GYS1: variants seen among roughly 807,000 people sequenced by gnomAD.
The protein encoded by GYS1 is glycogen [starch] synthase, muscle.
In GYS1, 60 loss-of-function variants were observed where a neutral mutation model predicts 89.1. That is an observed-to-expected ratio of 0.67 (90% CI 0.55 to 0.84). GYS1 has a LOEUF of 0.84. GYS1 is among the 40% of genes least tolerant of loss of function. GYS1 has a pLI of 0.00. For synonymous variants in GYS1, 366 were observed against 401.7 expected (o/e 0.91, Z 1.06); for missense variants, 888 against 1,003.1 (o/e 0.89, Z 1.55).
intron 12 of GYS1, among the ~76,000 whole-genome samples, chr19:48,971,973 C>CA (rs1380769088): frequency 6.6e-6 from 1 of 151,118 alleles, no homozygotes; most frequent in Non-Finnish European, 1.5e-5. Context: ...GCAATCCTCC[C>CA]ACCTCAGCCA....
intron 10 of GYS1, among the ~76,000 whole-genome samples, chr19:48,974,961 C>T (rs749898141): frequency 5.3e-5 from 8 of 152,074 alleles, no homozygotes; most frequent in Non-Finnish European, 8.8e-5. Context: ...GGCGGAGTCT[C>T]GCTCTGTCGC....
intron 12 of GYS1, among the ~76,000 whole-genome samples, chr19:48,972,999 T>C (rs763316877): frequency 1.3e-5 from 2 of 152,128 alleles, no homozygotes; most frequent in Non-Finnish European, 2.9e-5. Flanking sequence ...ATGTATTAAA[T>C]ATATATTTAT....
intron 10 of GYS1, 29 bp downstream of exon 10, chr19:48,977,895 A>G (rs537233030): frequency 3.2e-6 from 5 of 1,570,754 alleles, no homozygotes; most frequent in East Asian, 2.2e-5. Flanking sequence ...AGGAACTGCT[A>G]TCTCTCTGCA....
Position 48,974,842 on chromosome 19 carries a change from G to A in GYS1, c.1309-109C>T, listed in dbSNP as rs188562543. The A allele has an allele frequency of 7.3e-5, 53 of 721,164 alleles. 2 individuals carry two copies. Among genetic ancestry groups the A allele is most frequent in the Admixed American group, 7.2e-4 (34 of 47,162 alleles). 44.7% of individuals were successfully genotyped at this position (721,164 alleles called of 1,614,324 possible). On this transcript the variant is annotated intron_variant, in intron 10 of 15. Coordinates refer to ENST00000323798, the MANE Select transcript of GYS1 (RefSeq NM_002103.5). ...GAGCCAAGGAGACCACAAATGCACCGGACGTGGGGCAACAAACCCAAGTGA... is the reference window on the plus strand; with the variant it reads ...GAGCCAAGGAGACCACAAATGCACCAGACGTGGGGCAACAAACCCAAGTGA...
intron 10 of GYS1, among the ~76,000 whole-genome samples, chr19:48,975,438 G>C (rs147850045): frequency 2.3e-3 from 357 of 152,060 alleles, no homozygotes; most frequent in African/African-American, 8.1e-3. Context: ...AGCTGTCTTT[G>C]AGGCAAAGCC....
chr19:48,969,423 C>A lies in GYS1; in HGVS notation c.2079G>T (p.Trp693Cys). The change falls in exon 16 of 16, where the codon TGG (tryptophan) becomes TGT (cysteine). Residue 693 changes from tryptophan (W) to cysteine (C), a missense_variant. By Grantham distance (215) the Trp-to-Cys change is radical. Coordinates refer to ENST00000323798, the MANE Select transcript of GYS1 (RefSeq NM_002103.5). ...AGGAGGTGCAGGACGCTCGGCGCGG[C>A]CACTCTGGTGCACGGATGTTGCGCC... is the stretch of plus-strand genomic sequence containing the variant. ...KDRRNIRAPE[W>C]PRRASCTSST... 1 of 1,547,006 alleles carries A rather than the reference C, an allele frequency of 6.5e-7. No homozygotes were observed. Among genetic ancestry groups the A allele is most frequent in the South Asian group, 1.2e-5 (1 of 84,232 alleles).
At position 48,991,655 on chromosome 19, in the gene GYS1, G is replaced by C; in HGVS notation, c.119-172C>G. ...GTAGGGGTTGGAAGCTTGGATGAGG[G>C]GAACACGAGGGCTGGAGGGCAGTCC... is the stretch of plus-strand genomic sequence containing the variant. On this transcript the variant is annotated intron_variant, in intron 1 of 15. Transcript: ENST00000323798. This position sits in a 1 kb window ranked among gnomAD's most constrained non-coding sequence, Gnocchi z 4.7. 1.5e-6 allele frequency: 1 copy of C among 667,994 alleles called. No individual in the cohort carries two copies. Among genetic ancestry groups the C allele is most frequent in the South Asian group, 1.8e-5 (1 of 55,660 alleles). The allele number at this position is 667,994 out of a possible 1,614,324, so 41.4% of individuals were successfully genotyped here. A position where few individuals can be genotyped will look rare whatever the true frequency, so the allele number is the denominator to read the frequency against.
At chr19:48,981,197 G>A (rs1459260100) in intron 8 of GYS1, among the ~76,000 whole-genome samples, 5 of 151,728 alleles carry the variant, frequency 3.3e-5, no homozygotes, top group South Asian at 2.1e-4. Flanking sequence ...GGCAGATCAC[G>A]AGATCAGGAG....
chr19:48,970,727 C>A lies in GYS1; in HGVS notation c.1646-18G>T. On this transcript the variant is annotated intron_variant, in intron 13 of 15. Transcript: ENST00000323798. ...GTAGATACCTGTGGAGGCCAGGACCCAGGTTCAGAAAACATCCTGGGGAGA... is the reference window on the plus strand; with the variant it reads ...GTAGATACCTGTGGAGGCCAGGACCAAGGTTCAGAAAACATCCTGGGGAGA... The A allele has an allele frequency of 6.2e-7, 1 of 1,612,944 alleles. No homozygotes were observed. The highest frequency in any genetic ancestry group is 1.1e-5 in the South Asian group (1 of 90,878).
At chr19:48,972,119 A>G (rs1383352475) in intron 12 of GYS1, among the ~76,000 whole-genome samples, 3 of 151,658 alleles carry the variant, frequency 2.0e-5, no homozygotes, top group African/African-American at 7.3e-5. Context: ...TCACGAGGTC[A>G]AGAAGAGAAA....
In GYS1 at chr19:48,993,249, C is replaced by T. The variant is rs535348441; in HGVS notation, c.-137G>A. 39 of 751,782 alleles carry T rather than the reference C, an allele frequency of 5.2e-5. No homozygotes were observed. The highest frequency in any genetic ancestry group is 3.4e-4 in the Middle Eastern group (1 of 2,960). The allele number at this position is 751,782 out of a possible 1,614,324, so 46.6% of individuals were successfully genotyped here. On this transcript the variant is annotated 5_prime_UTR_variant, in exon 1 of 16. Transcript: ENST00000323798. ...TTGCAAGACGCTCGGCTTCCTATTG[C>T]AAGACCGCACCCCTGCCCCGAAGCG... is the stretch of plus-strand genomic sequence containing the variant.
At position 48,979,336 on chromosome 19, in the gene GYS1, C is replaced by CTTTTTTTTTTT. The variant is rs777178030; in HGVS notation, c.1170-1190_1170-1180dup. ...TTTGTCTCTTTTTCTTTTTTCTTTT[C>CTTTTTTTTTTT]TTTTTTTTTTTTTTTTTTTTTTTTT... On this transcript the variant is annotated intron_variant, in intron 8 of 15. Transcript: ENST00000323798. Among the ~76,000 whole-genome samples the CTTTTTTTTTTT allele has an allele frequency of 3.1e-3, 291 of 92,486 alleles. 25 individuals are homozygous for CTTTTTTTTTTT. The highest frequency in any genetic ancestry group is 5.0e-3 in the Non-Finnish European group (222 of 44,720). 60.7% of individuals were successfully genotyped at this position (92,486 alleles called of 152,430 possible). A position where few individuals can be genotyped will look rare whatever the true frequency, so the allele number is the denominator to read the frequency against.
At chr19:48,974,088 G>T in intron 12 of GYS1, 125 bp downstream of exon 12, 1 of 1,002,710 alleles carries the variant, frequency 1.0e-6, no homozygotes, top group Non-Finnish European at 1.5e-6. Flanking sequence ...CAGAACAGGT[G>T]ATTACCATTG....
In GYS1 at chr19:48,990,000, G is replaced by GGGGGT. The variant is rs1555800119; in HGVS notation, c.300+1301_300+1302insACCCC. On this transcript the variant is annotated intron_variant, in intron 2 of 15. Transcript: ENST00000323798. ...CCAGCTGTTGTCTGCCCTTTTGCTG[G>GGGGGT]GGGGGGGGGGGGGCTATTCTTAGGC... Among the ~76,000 whole-genome samples the GGGGGT allele has an allele frequency of 1.7e-4, 22 of 131,262 alleles. 1 individual carries two copies. Among genetic ancestry groups the GGGGGT allele is most frequent in the Middle Eastern group, 3.6e-3 (1 of 274 alleles). The allele number at this position is 131,262 out of a possible 152,430, so 86.1% of individuals were successfully genotyped here. A position where few individuals can be genotyped will look rare whatever the true frequency, so the allele number is the denominator to read the frequency against.
rs2038773688 is a variant in GYS1 at position 48,982,137 on chromosome 19, C to T, written c.1062+118G>A. ...CCATCTCCTGGGCTCAAGTGATCCT[C>T]CCGCCTTGGCCTCCAAAAGTGTTGG... On this transcript the variant is annotated intron_variant, in intron 7 of 15. Transcript: ENST00000323798. 2.9e-6 allele frequency: 3 copies of T among 1,043,496 alleles called. No homozygotes were observed. The East Asian group carries it at 7.7e-5, about 27-fold the overall frequency. The allele number at this position is 1,043,496 out of a possible 1,614,324, so 64.6% of individuals were successfully genotyped here. A position where few individuals can be genotyped will look rare whatever the true frequency, so the allele number is the denominator to read the frequency against.
intron 10 of GYS1, 81 bp from the exon 11 acceptor site, chr19:48,974,814 G>A: frequency 1.0e-6 from 1 of 965,694 alleles, no homozygotes; most frequent in South Asian, 1.3e-5. Flanking sequence ...GCGGACCCTG[G>A]GGGAGCCAAG....
intron 5 of GYS1, 27 bp downstream of exon 5, chr19:48,985,434 G>T (rs374794305): frequency 6.2e-7 from 1 of 1,610,914 alleles, no homozygotes; most frequent in East Asian, 2.2e-5. Flanking sequence ...CCTCATTCAC[G>T]TCTGGGGACT....
chr19:48,970,276 C>T (rs1406838429), intron 14 of GYS1: 5 of 485,064 alleles, frequency 1.0e-5, no homozygotes, highest in East Asian at 7.9e-5. Flanking sequence ...AGGCACGCAC[C>T]ATCACGCTCG....
rs368021148 is a variant in GYS1 at position 48,971,022 on chromosome 19, A to C, written c.1551T>G (p.Ala517=). ...SYYEPWGYTP[A]ECTVMGIPSI... ...TGGGGATTCCCATAACCGTGCACTCAGCTGCGGGAAGGCAGGAGAGAGACC... is the reference window on the plus strand; with the variant it reads ...TGGGGATTCCCATAACCGTGCACTCCGCTGCGGGAAGGCAGGAGAGAGACC... Residue 517 remains alanine (A), a splice_region_variant and synonymous_variant, in exon 13 of 16, where the codon GCT becomes GCG. Transcript: ENST00000323798. 8.9e-5 allele frequency: 144 copies of C among 1,610,406 alleles called. No individual in the cohort carries two copies. The highest frequency in any genetic ancestry group is 1.1e-4 in the Non-Finnish European group (133 of 1,176,632).
Sources: allele counts gnomAD v4.1 joint callset (sites outside exome capture counted in the v4.1 genomes callset), GRCh38; gene constraint gnomAD v4.1.1; non-coding constraint Gnocchi (gnomAD v3.1); transcripts MANE v1.5; gene names NCBI Gene and HGNC (gene_info 2026-07-23, HGNC 2026-07-21).